CAST: variants seen among roughly 807,000 people sequenced by gnomAD.
The protein encoded by CAST is MIR583 host.
A neutral mutation model predicts 119.6 loss-of-function variants in CAST; 76 were observed. The observed-to-expected ratio is 0.64, with a 90% CI of 0.53 to 0.77. The LOEUF is 0.77. Among genes scored for constraint, CAST ranks in the 30% least tolerant of loss-of-function variants. The pLI, the probability that CAST is intolerant of heterozygous loss-of-function variation, is 0.00. For missense variants in CAST, 953 were observed against 946.5 expected (o/e 1.01, Z -0.09); for synonymous variants, 319 against 331.6 (o/e 0.96, Z 0.41).
intron 16 of CAST, among the ~76,000 whole-genome samples, chr5:96,744,546 T>C (rs1044507295): frequency 6.6e-6 from 1 of 152,234 alleles, no homozygotes; most frequent in East Asian, 1.9e-4. Context: ...GGAGCTACAA[T>C]TCAAGATGAG....
upstream of CAST, among the ~76,000 whole-genome samples, chr5:96,522,795 A>G (rs1745538850): frequency 6.6e-6 from 1 of 152,126 alleles, no homozygotes; most frequent in Non-Finnish European, 1.5e-5. Flanking sequence ...ATTAGCTCTT[A>G]TCTTTAAAAT....
At chr5:96,334,814 G>A in the CAST span, among the ~76,000 whole-genome samples, 135 of 152,228 alleles carry the variant, frequency 8.9e-4, no homozygotes, top group African/African-American at 3.1e-3. Flanking sequence ...CAATACAAGG[G>A]CTGACTTGTT....
chr5:95,970,004 G>T, the CAST span, among the ~76,000 whole-genome samples: 1 of 152,134 alleles, frequency 6.6e-6, no homozygotes, highest in Middle Eastern at 3.2e-3. Context: ...TATGACTATG[G>T]TGGGCCACTC....
the CAST span, among the ~76,000 whole-genome samples, chr5:96,196,169 A>G: frequency 6.6e-6 from 1 of 152,194 alleles, no homozygotes; most frequent in Non-Finnish European, 1.5e-5. Context: ...TACAGGCATA[A>G]GAAACTAGAC....
At chr5:96,360,272 G>C in the CAST span, among the ~76,000 whole-genome samples, 2 of 151,890 alleles carry the variant, frequency 1.3e-5, no homozygotes, top group Non-Finnish European at 2.9e-5. Flanking sequence ...CTTGCATTGG[G>C]TTAGAACATG....
intron 1 of CAST, among the ~76,000 whole-genome samples, chr5:96,550,228 T>C (rs7726048): frequency 6.1e-4 from 93 of 152,244 alleles, no homozygotes; most frequent in African/African-American, 2.2e-3. Context: ...CAGGCAGAAA[T>C]GTTTGCTGTT....
chr5:96,054,302 C>G, the CAST span, among the ~76,000 whole-genome samples: 13 of 151,974 alleles, frequency 8.6e-5, no homozygotes, highest in Non-Finnish European at 1.6e-4. Flanking sequence ...AGTGCAGTGG[C>G]TAGTCACAGG....
chr5:96,552,775 T>C (rs1444504722), intron 1 of CAST, among the ~76,000 whole-genome samples: 2 of 152,134 alleles, frequency 1.3e-5, no homozygotes. Flanking sequence ...GAGAATACTA[T>C]AAACACCTCT....
At chr5:96,003,626 A>C in the CAST span, among the ~76,000 whole-genome samples, 2 of 152,188 alleles carry the variant, frequency 1.3e-5, no homozygotes, top group African/African-American at 4.8e-5. Flanking sequence ...CACAGTAAAA[A>C]ATTACAAGTA....
the CAST span, among the ~76,000 whole-genome samples, chr5:96,153,533 T>C: frequency 7.1e-4 from 108 of 152,236 alleles, no homozygotes; most frequent in Admixed American, 4.2e-3. Flanking sequence ...TATTCTTGCA[T>C]TGGGCCCCAA....
At chr5:96,433,289 T>G in the CAST span, 1 of 548,176 alleles carries the variant, frequency 1.8e-6, no homozygotes, top group Non-Finnish European at 3.3e-6. Context: ...AATGAGTGTT[T>G]ACACGTCAAA....
Position 96,743,560 on chromosome 5 carries a change from A to T in CAST, c.1200+804A>T, listed in dbSNP as rs775553169. On this transcript the variant is annotated intron_variant, in intron 16 of 31. Transcript: ENST00000675179. Reference sequence around the variant, plus strand: ...CTGCTGTCACTTCCTGTTCTGAGTCATCAGGGAAGGGGAGTCTCCCTGACT... The same window carrying T: ...CTGCTGTCACTTCCTGTTCTGAGTCTTCAGGGAAGGGGAGTCTCCCTGACT... 1.3e-5 allele frequency: 20 copies of T among 1,571,852 alleles called. No homozygotes were observed. In the African/African-American group the frequency reaches 2.6e-4, roughly 20 times the overall value.
At chr5:96,204,760 A>G in the CAST span, among the ~76,000 whole-genome samples, 1 of 151,784 alleles carries the variant, frequency 6.6e-6, no homozygotes, top group South Asian at 2.1e-4. Flanking sequence ...GTATATTTTC[A>G]GTTCAGGCTT....
chr5:96,536,152 G>C (rs1180229150), intron 1 of CAST, among the ~76,000 whole-genome samples: 1 of 149,782 alleles, frequency 6.7e-6, no homozygotes, highest in Non-Finnish European at 1.5e-5. Flanking sequence ...GAGGTCAGGA[G>C]TTCAAGACTA....
the CAST span, among the ~76,000 whole-genome samples, chr5:96,052,845 C>T: frequency 9.2e-5 from 14 of 152,292 alleles, no homozygotes; most frequent in East Asian, 2.5e-3. Context: ...GCTTAAAACA[C>T]GTGGGAGAAT....
the CAST span, among the ~76,000 whole-genome samples, chr5:96,297,080 A>G: frequency 6.6e-6 from 1 of 152,162 alleles, no homozygotes; most frequent in Non-Finnish European, 1.5e-5. Context: ...ACATTCTCTT[A>G]GAAAGATTTT....
chr5:96,148,764 CCTGAG>C, the CAST span, among the ~76,000 whole-genome samples: 1 of 152,200 alleles, frequency 6.6e-6, no homozygotes, highest in Non-Finnish European at 1.5e-5. Flanking sequence ...CTGATCCCTA[CCTGAG>C]CTAGGTGAAG....
At chr5:96,260,293 T>A in the CAST span, among the ~76,000 whole-genome samples, 1 of 152,188 alleles carries the variant, frequency 6.6e-6, no homozygotes, top group Non-Finnish European at 1.5e-5. Flanking sequence ...GTCTAGAGAA[T>A]CATGAGGCAG....
At chr5:96,620,626 G>A (rs899449756) in intron 1 of CAST, among the ~76,000 whole-genome samples, 1 of 152,054 alleles carries the variant, frequency 6.6e-6, no homozygotes, top group African/African-American at 2.4e-5. Context: ...TATTAAATAC[G>A]TTTTTGACTT....
Sources: gnomAD v4.1 joint callset for allele counts (sites outside exome capture counted in the v4.1 genomes callset) on GRCh38, gnomAD v4.1.1 for gene constraint, MANE v1.5 for transcripts, NCBI Gene and HGNC (gene_info 2026-07-23, HGNC 2026-07-21) for gene names.